Variants in RXRA observed in about 807,000 individuals in gnomAD.
The protein encoded by RXRA is retinoic acid receptor RXR-alpha.
Under a neutral mutation model 44.5 loss-of-function variants are expected in RXRA, and 5 were observed. The ratio of observed to expected loss-of-function variants is 0.11; its 90% CI spans 0.06 to 0.24. The LOEUF is 0.24. Ranked by LOEUF, RXRA falls within the 10% of genes least tolerant of loss-of-function variation. The pLI, the probability that RXRA is intolerant of heterozygous loss-of-function variation, is 1.00. For synonymous variants in RXRA, 291 were observed against 271.4 expected (o/e 1.07, Z -0.71); for missense variants, 412 against 646.5 (o/e 0.64, Z 3.93).
intron 2 of RXRA, chr9:134,404,265 T>A (rs1831011941): frequency 3.3e-5 from 5 of 152,420 alleles, no homozygotes; most frequent in Admixed American, 3.3e-4. Context: ...GCCTTCCATG[T>A]GGCGGCGTCC....
intron 1 of RXRA, among the ~76,000 whole-genome samples, chr9:134,353,741 T>C (rs1830249773): frequency 6.6e-6 from 1 of 152,204 alleles, no homozygotes; most frequent in African/African-American, 2.4e-5. Flanking sequence ...TGTCTCCTCA[T>C]GCTACCCATG....
rs996002998 is a variant in RXRA at position 134,407,538 on chromosome 9, G to T, written c.280-611G>T. On this transcript the variant is annotated intron_variant, in intron 2 of 9. Transcript: ENST00000481739. The surrounding 1 kb of genome is among the most constrained non-coding windows in gnomAD (Gnocchi z 4.8). The stretch of plus-strand genomic sequence containing the variant: ...CGGGCGGCAGCGTGCGGGCCGGCGG[G>T]TGGGGCGGAGGGGTGTGCAGAGAGG... Among the ~76,000 whole-genome samples, 1 of 152,222 alleles carries T rather than the reference G, an allele frequency of 6.6e-6. No individual in the cohort carries two copies. The highest frequency in any genetic ancestry group is 2.4e-5 in the African/African-American group (1 of 41,456).
In RXRA at chr9:134,401,612, T is replaced by C; in HGVS notation, c.29-20T>C. ...GAGTCACCTGCACTGACCACTCTCCTGCGGCTTCTTGTCTTGCAGATTTCT... is the reference window on the plus strand; with the variant it reads ...GAGTCACCTGCACTGACCACTCTCCCGCGGCTTCTTGTCTTGCAGATTTCT... On this transcript the variant is annotated intron_variant, in intron 1 of 9. Coordinates refer to ENST00000481739, the MANE Select transcript of RXRA (RefSeq NM_002957.6). 1 of 1,612,484 alleles carries C rather than the reference T, an allele frequency of 6.2e-7. No homozygotes were observed. The highest frequency in any genetic ancestry group is 8.5e-7 in the Non-Finnish European group (1 of 1,179,870).
At chr9:134,388,326 C>T (rs1303372751) in intron 1 of RXRA, among the ~76,000 whole-genome samples, 2 of 130,264 alleles carry the variant, frequency 1.5e-5, no homozygotes, top group Middle Eastern at 3.7e-3. Flanking sequence ...CACAGGCACA[C>T]GTGTTGGGGT....
intron 1 of RXRA, among the ~76,000 whole-genome samples, chr9:134,348,763 G>T (rs1830185468): frequency 6.6e-6 from 1 of 152,256 alleles, no homozygotes; most frequent in Non-Finnish European, 1.5e-5. Context: ...TGCTGCCTCA[G>T]GCACAATGCA....
chr9:134,379,746 C>T (rs1342094891), intron 1 of RXRA: 2 of 985,260 alleles, frequency 2.0e-6, no homozygotes, highest in Admixed American at 1.2e-4. Flanking sequence ...CAGCTCAGCC[C>T]CTCTGTGCCT....
Position 134,408,935 on chromosome 9 carries a change from C to G in RXRA, c.431-5C>G. 6.5e-7 allele frequency: 1 copy of G among 1,535,740 alleles called. No individual in the cohort carries two copies. Among genetic ancestry groups the G allele is most frequent in the Non-Finnish European group, 8.8e-7 (1 of 1,137,566 alleles). On this transcript the variant is annotated splice_region_variant and splice_polypyrimidine_tract_variant and intron_variant, in intron 3 of 9. Transcript: ENST00000481739. ...TCCCCAGCCCTGCTCTGCCCTGTCC[C>G]GCAGGCAAGCACTATGGAGTGTACA...
intron 1 of RXRA, among the ~76,000 whole-genome samples, chr9:134,336,544 C>T (rs988572989): frequency 9.9e-5 from 15 of 152,164 alleles, no homozygotes; most frequent in Non-Finnish European, 1.8e-4. Context: ...CCGCTGTGCC[C>T]CTGTGGCCGG....
chr9:134,410,638 C>T (rs529003455), intron 4 of RXRA, among the ~76,000 whole-genome samples: 60 of 152,286 alleles, frequency 3.9e-4, no homozygotes, highest in African/African-American at 1.2e-3. Context: ...AGGCAGTGGC[C>T]GGGGCCCCTG....
rs1465245701 is a variant in RXRA, at chr9:134,343,995, T to C, written c.28+17336T>C. 6.6e-6 allele frequency among the ~76,000 whole-genome samples: 1 copy of C among 151,042 alleles called. No individual in the cohort carries two copies. The highest frequency in any genetic ancestry group is 1.5e-5 in the Non-Finnish European group (1 of 67,736). On this transcript the variant is annotated intron_variant, in intron 1 of 9. Coordinates refer to ENST00000481739, the MANE Select transcript of RXRA (RefSeq NM_002957.6). This position sits in a 1 kb window ranked among gnomAD's most constrained non-coding sequence, Gnocchi z 4.1. ...AGCCCTTCCTCATGGGGCCTGGTCC[T>C]GCTGAGGTTCCCGGGGGCCGTGCCC...
intron 1 of RXRA, among the ~76,000 whole-genome samples, chr9:134,329,265 T>C (rs1381215311): frequency 6.6e-6 from 1 of 152,178 alleles, no homozygotes; most frequent in Non-Finnish European, 1.5e-5. Context: ...TAGAGCACAT[T>C]CCGGGGCCTC....
intron 1 of RXRA, among the ~76,000 whole-genome samples, chr9:134,340,776 C>G (rs1554748023): frequency 6.6e-6 from 1 of 152,206 alleles, no homozygotes; most frequent in Non-Finnish European, 1.5e-5. Context: ...GCTGGGGTGT[C>G]TCAGCTCCGG....
intron 1 of RXRA, among the ~76,000 whole-genome samples, chr9:134,337,464 A>G (rs184131541): frequency 2.0e-5 from 3 of 152,218 alleles, no homozygotes; most frequent in African/African-American, 7.2e-5. Context: ...ACTTGATGGG[A>G]TATGACCTTG....
Position 134,438,412 on chromosome 9 carries a change from G to A in RXRA, c.*1798G>A, listed in dbSNP as rs1382440965. On this transcript the variant is annotated 3_prime_UTR_variant, in exon 10 of 10. Coordinates refer to ENST00000481739, the MANE Select transcript of RXRA (RefSeq NM_002957.6). Reference sequence around the variant, plus strand: ...AGGCACCCGAGTGGAGCCTGCAGCTGAGTCTGTGCCCGAGACAGGCTGTCA... The same window carrying A: ...AGGCACCCGAGTGGAGCCTGCAGCTAAGTCTGTGCCCGAGACAGGCTGTCA... 2 of 152,256 alleles carry A rather than the reference G, an allele frequency of 1.3e-5. No individual in the cohort carries two copies. Among genetic ancestry groups the A allele is most frequent in the African/African-American group, 4.8e-5 (2 of 41,454 alleles). The allele number at this position is 152,256 out of a possible 1,614,324, so 9.4% of individuals were successfully genotyped here. A position where few individuals can be genotyped will look rare whatever the true frequency, so the allele number is the denominator to read the frequency against.
At position 134,342,865 on chromosome 9, in the gene RXRA, C is replaced by T. The variant is rs1830103077; in HGVS notation, c.28+16206C>T. Among the ~76,000 whole-genome samples the T allele has an allele frequency of 6.6e-6, 1 of 152,200 alleles. No homozygotes were observed. The highest frequency in any genetic ancestry group is 2.4e-5 in the African/African-American group (1 of 41,460). On this transcript the variant is annotated intron_variant, in intron 1 of 9. Transcript: ENST00000481739. The surrounding 1 kb of genome is among the most constrained non-coding windows in gnomAD (Gnocchi z 4.4). ...GGTGGCTGTGGCCCTGCCACCACCA[C>T]AGTGACCTTCCCTTTGTATGTGAGT...
At chr9:134,412,872 C>T (rs1831171719) in intron 4 of RXRA, among the ~76,000 whole-genome samples, 1 of 152,230 alleles carries the variant, frequency 6.6e-6, no homozygotes, top group Non-Finnish European at 1.5e-5. Flanking sequence ...TCTGCTTCCT[C>T]CTCCTCCCTC....
At chr9:134,427,120 G>C (rs1341676500) in intron 6 of RXRA, 1 of 984,152 alleles carries the variant, frequency 1.0e-6, no homozygotes, top group Non-Finnish European at 1.2e-6. Flanking sequence ...GCCTCTTCTA[G>C]ATTAGACTTC....
chr9:134,336,556 C>T (rs782637536), intron 1 of RXRA, among the ~76,000 whole-genome samples: 16 of 152,254 alleles, frequency 1.1e-4, no homozygotes, highest in Middle Eastern at 6.8e-3. Context: ...TGTGGCCGGC[C>T]GGAGCCTTGG....
At position 134,433,769 on chromosome 9, in the gene RXRA, C is replaced by A. The variant is rs377762298; in HGVS notation, c.1136-333C>A. ...CCATTGTCTCTCCCAGTTCCCAAGG[C>A]GGCTGGAAGGAAGGCAGCAGATCCC... On this transcript the variant is annotated intron_variant, in intron 8 of 9. Coordinates refer to ENST00000481739, the MANE Select transcript of RXRA (RefSeq NM_002957.6). This position sits in a 1 kb window ranked among gnomAD's most constrained non-coding sequence, Gnocchi z 4.2. Among the ~76,000 whole-genome samples the A allele has an allele frequency of 2.6e-5, 4 of 152,248 alleles. No homozygotes were observed. Among genetic ancestry groups the A allele is most frequent in the African/African-American group, 2.4e-5 (1 of 41,544 alleles).
Sources: gnomAD v4.1 joint callset for allele counts (sites outside exome capture counted in the v4.1 genomes callset) on GRCh38, gnomAD v4.1.1 for gene constraint, Gnocchi (gnomAD v3.1) non-coding constraint, MANE v1.5 for transcripts, NCBI Gene and HGNC (gene_info 2026-07-23, HGNC 2026-07-21) for gene names.